Variants in ADAMTS20 observed in about 807,000 individuals in gnomAD.
ADAMTS20 encodes the protein ADAM metallopeptidase with thrombospondin type 1 motif 20, also known as A disintegrin and metalloproteinase with thrombospondin motifs 20.
ADAMTS20 carries 225 observed loss-of-function variants against 260.1 expected under a neutral mutation model. The observed-to-expected ratio is 0.87, with a 90% CI of 0.78 to 0.97. ADAMTS20 has a LOEUF of 0.97. Ranked by LOEUF, ADAMTS20 falls within the 50% of genes least tolerant of loss-of-function variation. ADAMTS20 has a pLI of 0.00. For synonymous variants in ADAMTS20, 802 were observed against 769.5 expected (o/e 1.04, Z -0.70); for missense variants, 2,400 against 2,337.7 (o/e 1.03, Z -0.55).
At chr12:43,541,100 C>G (rs532342386) in intron 2 of ADAMTS20, among the ~76,000 whole-genome samples, 1 of 152,130 alleles carries the variant, frequency 6.6e-6, no homozygotes, top group African/African-American at 2.4e-5. Flanking sequence ...CCTTTGAACT[C>G]TTTTCCCAAA....
chr12:43,394,510 T>G (rs1438324662), intron 29 of ADAMTS20, among the ~76,000 whole-genome samples: 4 of 152,110 alleles, frequency 2.6e-5, no homozygotes, highest in African/African-American at 9.7e-5. Context: ...TATTTACCCT[T>G]TAACCTGTAA....
chr12:43,431,384 C>G lies in ADAMTS20; in HGVS notation c.3209G>C (p.Ser1070Thr), dbSNP rs765951265. ...AGCACATGTATGAAGTTCACATGGA[C>G]TCAGAGATTCAGGTTTGGTACTTGA... is the stretch of plus-strand genomic sequence containing the variant. ...CNSSTKPESL[S>T]PCELHTCASW... The change falls in exon 22 of 39, where the codon AGT (serine) becomes ACT (threonine). Residue 1070 changes from serine (S) to threonine (T), a missense_variant. Transcript: ENST00000389420. 12 of 1,613,828 alleles carry G rather than the reference C, an allele frequency of 7.4e-6. No homozygotes were observed. The highest frequency in any genetic ancestry group is 9.3e-6 in the Non-Finnish European group (11 of 1,179,872).
intron 28 of ADAMTS20, among the ~76,000 whole-genome samples, chr12:43,406,083 C>A (rs1184911315): frequency 6.6e-6 from 1 of 152,170 alleles, no homozygotes; most frequent in African/African-American, 2.4e-5. Flanking sequence ...AACCAGAAAT[C>A]ATTTCCATCA....
rs181070621 is a variant in ADAMTS20 at position 43,453,619 on chromosome 12, A to G, written c.1760+288T>C. ...ACAGTAAATGTGAAAATGACATTAT[A>G]TAACTGTGATTCATATTTATATCTC... On this transcript the variant is annotated intron_variant, in intron 12 of 38. Transcript: ENST00000389420. Among the ~76,000 whole-genome samples the G allele has an allele frequency of 7.7e-4, 118 of 152,330 alleles. 1 individual carries two copies. Among genetic ancestry groups the G allele is most frequent in the African/African-American group, 2.8e-3 (116 of 41,584 alleles).
chr12:43,457,346 C>G (rs147020784), intron 11 of ADAMTS20, among the ~76,000 whole-genome samples: 1 of 152,198 alleles, frequency 6.6e-6, no homozygotes, highest in Non-Finnish European at 1.5e-5. Flanking sequence ...GTCCAGATCT[C>G]TCTCTTAAAT....
At chr12:43,529,662 G>C (rs1217347292) in intron 3 of ADAMTS20, among the ~76,000 whole-genome samples, 1 of 152,086 alleles carries the variant, frequency 6.6e-6, no homozygotes, top group Admixed American at 6.6e-5. Flanking sequence ...AAGCGGGAGG[G>C]TAGGAGGGGG....
At chr12:43,374,180 A>T (rs1940171383) in intron 36 of ADAMTS20, among the ~76,000 whole-genome samples, 1 of 152,188 alleles carries the variant, frequency 6.6e-6, no homozygotes, top group Non-Finnish European at 1.5e-5. Context: ...AACCATAGTA[A>T]TATAATGCTT....
chr12:43,389,290 G>T (rs929037511), intron 29 of ADAMTS20, among the ~76,000 whole-genome samples: 4 of 152,134 alleles, frequency 2.6e-5, no homozygotes, highest in African/African-American at 9.7e-5. Context: ...AATCAAGAAA[G>T]TTATGTGCTT....
At chr12:43,462,368 T>A (rs983343481) in intron 11 of ADAMTS20, among the ~76,000 whole-genome samples, 24 of 152,198 alleles carry the variant, frequency 1.6e-4, no homozygotes, top group Non-Finnish European at 1.6e-4. Context: ...TTATTCAACA[T>A]CATGTTGACA....
At chr12:43,376,393 CAT>C (rs34115972) in intron 33 of ADAMTS20, 63 bp from the exon 34 acceptor site, 44,041 of 1,455,044 alleles carry the variant, frequency 0.03, 827 homozygotes, top group East Asian at 0.092. Context: ...AGAACTTAAT[CAT>C]AGAAATATTG....
intron 11 of ADAMTS20, among the ~76,000 whole-genome samples, chr12:43,459,898 C>T (rs1241434586): frequency 6.6e-6 from 1 of 152,098 alleles, no homozygotes; most frequent in Non-Finnish European, 1.5e-5. Context: ...AAAGTTATAA[C>T]GTTATACTAT....
chr12:43,500,485 C>T (rs1942742936), intron 4 of ADAMTS20, among the ~76,000 whole-genome samples: 1 of 152,050 alleles, frequency 6.6e-6, no homozygotes, highest in Non-Finnish European at 1.5e-5. Context: ...GTTTGCCATA[C>T]CAACATTTAG....
intron 11 of ADAMTS20, among the ~76,000 whole-genome samples, chr12:43,461,320 G>A (rs1942061552): frequency 6.6e-6 from 1 of 151,640 alleles, no homozygotes; most frequent in African/African-American, 2.4e-5. Flanking sequence ...TGATAGAAAT[G>A]TTCTCATTTT....
rs531290635 is a variant in ADAMTS20, at chr12:43,550,967, C to A, written c.395G>T (p.Arg132Leu). ...GPSDLRHCFY[R>L]GQVNSQEDYK... The stretch of plus-strand genomic sequence containing the variant: ...ATCCTCCTGTGAGTTGACCTGGCCG[C>A]GGTAGAAGCAGTGGCGCAGGTCCGA... Residue 132 changes from arginine (R) to leucine (L), a missense_variant, in exon 2 of 39, where the codon CGC (arginine) becomes CTC (leucine). By Grantham distance (102) the Arg-to-Leu change is moderately radical. Transcript: ENST00000389420. The A allele has an allele frequency of 6.2e-7, 1 of 1,603,824 alleles. No homozygotes were observed. Among genetic ancestry groups the A allele is most frequent in the Admixed American group, 1.7e-5 (1 of 59,100 alleles).
chr12:43,480,143 C>T (rs920031235), intron 7 of ADAMTS20, among the ~76,000 whole-genome samples: 6 of 152,010 alleles, frequency 3.9e-5, no homozygotes, highest in South Asian at 2.1e-4. Context: ...GTTAACCTTC[C>T]GCAAAGTAAA....
intron 3 of ADAMTS20, among the ~76,000 whole-genome samples, chr12:43,514,006 C>T (rs1460367946): frequency 7.1e-6 from 1 of 140,494 alleles, no homozygotes; most frequent in African/African-American, 2.7e-5. Context: ...CACATGTATA[C>T]ATATGTAACT....
At chr12:43,438,194 T>A (rs1592068932) in intron 18 of ADAMTS20, among the ~76,000 whole-genome samples, 1 of 152,180 alleles carries the variant, frequency 6.6e-6, no homozygotes, top group African/African-American at 2.4e-5. Flanking sequence ...CCCACCATGT[T>A]TTTCCAAACT....
chr12:43,458,724 A>G (rs1942009433), intron 11 of ADAMTS20, among the ~76,000 whole-genome samples: 1 of 152,134 alleles, frequency 6.6e-6, no homozygotes, highest in East Asian at 1.9e-4. Context: ...TGATGGTACT[A>G]TTATATTAAT....
At chr12:43,471,132 C>A (rs1445838403) in intron 7 of ADAMTS20, among the ~76,000 whole-genome samples, 1 of 152,084 alleles carries the variant, frequency 6.6e-6, no homozygotes, top group South Asian at 2.1e-4. Flanking sequence ...GGTGCACGCA[C>A]CGTGCGAGAG....
Sources: allele counts gnomAD v4.1 joint callset (sites outside exome capture counted in the v4.1 genomes callset), GRCh38; gene constraint gnomAD v4.1.1; transcripts MANE v1.5; gene names NCBI Gene and HGNC (gene_info 2026-07-23, HGNC 2026-07-21).